DOCK11: variants seen among roughly 807,000 people sequenced by gnomAD.
DOCK11 encodes the protein dedicator of cytokinesis protein 11.
A neutral mutation model predicts 169.1 loss-of-function variants in DOCK11; 70 were observed. The ratio of observed to expected loss-of-function variants is 0.41; its 90% confidence interval spans 0.34 to 0.51. The LOEUF is 0.51. DOCK11 is among the 20% of genes least tolerant of loss of function. The probability of loss-of-function intolerance (pLI) is 0.10; values close to 1 mark genes in which losing one functional copy is unlikely to be tolerated. For missense variants in DOCK11, 1,166 were observed against 1,538.8 expected (o/e 0.76, Z 4.05); for synonymous variants, 529 against 541.3 (o/e 0.98, Z 0.32).
intron 45 of DOCK11, among the ~76,000 whole-genome samples, chrX:118,670,791 C>G (rs1261648763): frequency 8.9e-6 from 1 of 111,793 alleles, no homozygotes; most frequent in African/African-American, 3.2e-5. Flanking sequence ...ACAAAATAAT[C>G]ATAGTTTACT....
At chrX:118,592,533 G>A (rs528812400) in intron 19 of DOCK11, among the ~76,000 whole-genome samples, 1 of 112,517 alleles carries the variant, frequency 8.9e-6, no homozygotes. Context: ...GTACATGCAT[G>A]TGCATCAAAT....
At chrX:118,685,617 C>T (rs868039276) in intron 52 of DOCK11, 71 bp from the exon 53 acceptor site, 45 of 1,147,142 alleles carry the variant, frequency 3.9e-5, no homozygotes, top group Non-Finnish European at 4.8e-5. Flanking sequence ...CCTGCAATTT[C>T]ATATACACAT....
At chrX:118,501,796 C>T (rs1273954926) in intron 1 of DOCK11, among the ~76,000 whole-genome samples, 1 of 111,938 alleles carries the variant, frequency 8.9e-6, no homozygotes, top group East Asian at 2.8e-4. Context: ...TCAGTTTACT[C>T]TTTCACCAGG....
intron 28 of DOCK11, among the ~76,000 whole-genome samples, chrX:118,612,969 G>C (rs1249455162): frequency 9.0e-6 from 1 of 111,695 alleles, no homozygotes; most frequent in Non-Finnish European, 1.9e-5. Flanking sequence ...AGAGACTCGA[G>C]TCAGGGCAAC....
chrX:118,646,610 A>C (rs903243909), intron 40 of DOCK11, among the ~76,000 whole-genome samples: 2 of 111,760 alleles, frequency 1.8e-5, no homozygotes, highest in African/African-American at 6.5e-5. Context: ...GCCCACTCAG[A>C]GAAGTGAGTG....
intron 35 of DOCK11, among the ~76,000 whole-genome samples, chrX:118,630,704 A>G (rs930197445): frequency 8.9e-6 from 1 of 112,702 alleles, no homozygotes; most frequent in Non-Finnish European, 1.9e-5. Flanking sequence ...AAATAATTTT[A>G]ACATAATTTT....
chrX:118,584,330 T>G (rs140856748), intron 14 of DOCK11, among the ~76,000 whole-genome samples: 81 of 112,506 alleles, frequency 7.2e-4, no homozygotes, highest in African/African-American at 2.4e-3. Context: ...TTTGCTTTCT[T>G]GTACTCAGTG....
At chrX:118,505,935 G>A (rs913357400) in intron 1 of DOCK11, among the ~76,000 whole-genome samples, 3 of 112,261 alleles carry the variant, frequency 2.7e-5, no homozygotes, top group African/African-American at 9.7e-5. Context: ...AACAGAGCTT[G>A]GACATGCCTA....
In DOCK11 at chrX:118,637,025, C is replaced by T. The variant is rs752856237; in HGVS notation, c.3953+613C>T. Among the ~76,000 whole-genome samples the T allele has an allele frequency of 4.5e-5, 5 of 112,303 alleles. No individual in the cohort carries two copies. In the South Asian group the frequency reaches 1.5e-3, roughly 33 times the overall value. On this transcript the variant is annotated intron_variant, in intron 36 of 52. Transcript: ENST00000276202. ...AATAAATTTTTAAATAAATAGTACA[C>T]GTATATGATTTGTATGTGCATGTCT...
At chrX:118,537,290 T>C (rs1418487783) in intron 1 of DOCK11, among the ~76,000 whole-genome samples, 4 of 111,400 alleles carry the variant, frequency 3.6e-5, no homozygotes, top group African/African-American at 1.3e-4. Context: ...GCCCTACTGC[T>C]CAGCTTTCTG....
chrX:118,552,037 C>CAAA (rs60335385), intron 6 of DOCK11, among the ~76,000 whole-genome samples: 2,646 of 75,267 alleles, frequency 0.035, 154 homozygotes, highest in African/African-American at 0.12. Context: ...CACTCTGTCT[C>CAAA]AAAAAAAAAA....
chrX:118,661,459 GA>G (rs2016211732), intron 44 of DOCK11, among the ~76,000 whole-genome samples: 1 of 110,413 alleles, frequency 9.1e-6, no homozygotes, highest in Non-Finnish European at 1.9e-5. Context: ...CATGAGGTCT[GA>G]TTTTTTTTTT....
intron 6 of DOCK11, among the ~76,000 whole-genome samples, chrX:118,555,985 A>T (rs1343021563): frequency 2.7e-5 from 3 of 111,015 alleles, no homozygotes; most frequent in Non-Finnish European, 5.7e-5. Flanking sequence ...AACACACAAT[A>T]GGTAAACGCT....
In DOCK11 at chrX:118,662,746, G is replaced by C. The variant is rs1569444727; in HGVS notation, c.5030G>C (p.Gly1677Ala). 1 of 1,202,654 alleles carries C rather than the reference G, an allele frequency of 8.3e-7. No homozygotes were observed. Among genetic ancestry groups the C allele is most frequent in the Non-Finnish European group, 1.1e-6 (1 of 888,122 alleles). Residue 1677 changes from glycine to alanine, a missense_variant, in exon 45 of 53, where the codon GGA becomes GCA. Gly to Ala is a moderately conservative substitution (Grantham distance 60). Transcript: ENST00000276202. ...ATTACTCCCAATATAGATGAAGAAG[G>C]AGCAATGAAAGAAGATGCTGGGATG... is the stretch of plus-strand genomic sequence containing the variant. ...KKITPNIDEEGAMKEDAGMMD... is the reference protein window; with the variant it reads ...KKITPNIDEEAAMKEDAGMMD...
intron 12 of DOCK11, among the ~76,000 whole-genome samples, chrX:118,578,282 G>A (rs982883794): frequency 2.7e-5 from 3 of 111,745 alleles, no homozygotes; most frequent in Admixed American, 1.9e-4. Flanking sequence ...AGGCAAAGCA[G>A]CAACGGTGAC....
chrX:118,572,528 T>C (rs2013311229), intron 11 of DOCK11, 65 bp downstream of exon 11: 10 of 1,048,349 alleles, frequency 9.5e-6, no homozygotes, highest in Non-Finnish European at 1.0e-5. Context: ...TTTCTCAAAA[T>C]AATTTGTACA....
chrX:118,660,965 T>C (rs1179515117), intron 44 of DOCK11, among the ~76,000 whole-genome samples: 2 of 110,154 alleles, frequency 1.8e-5, no homozygotes, highest in African/African-American at 6.6e-5. Flanking sequence ...CTCAGCACTT[T>C]GGTAATCTGA....
chrX:118,613,135 ATTTG>A (rs1490490875), intron 28 of DOCK11, among the ~76,000 whole-genome samples: 1 of 111,774 alleles, frequency 8.9e-6, no homozygotes, highest in Non-Finnish European at 1.9e-5. Context: ...TCTTTTCATT[ATTTG>A]TTTGTCTTCA....
intron 1 of DOCK11, among the ~76,000 whole-genome samples, chrX:118,524,181 C>T (rs2011322503): frequency 9.0e-6 from 1 of 111,719 alleles, no homozygotes; most frequent in East Asian, 2.8e-4. Flanking sequence ...ACCGCATTAG[C>T]TGCCTAAAAA....
Sources: allele counts gnomAD v4.1 joint callset (sites outside exome capture counted in the v4.1 genomes callset), GRCh38; gene constraint gnomAD v4.1.1; transcripts MANE v1.5; gene names NCBI Gene and HGNC (gene_info 2026-07-23, HGNC 2026-07-21).